Variants in ZNF500 observed in about 807,000 individuals in gnomAD.
ZNF500 encodes zinc finger protein 500.
Under a neutral mutation model 30.1 loss-of-function variants are expected in ZNF500, and 31 were observed. The ratio of observed to expected loss-of-function variants is 1.03; its 90% CI spans 0.77 to 1.39. ZNF500 has a LOEUF of 1.39. Among genes scored for constraint, ZNF500 ranks in the 40% most tolerant of loss-of-function variants. ZNF500 has a pLI of 0.00. For missense variants in ZNF500, 817 were observed against 657.8 expected (o/e 1.24, Z -2.65); for synonymous variants, 392 against 282.0 (o/e 1.39, Z -3.91).
In ZNF500 at chr16:4,765,757, C is replaced by T; in HGVS notation, c.222G>A (p.Leu74=). Reference sequence around the variant, plus strand: ...GCTCCGGCCGCAGCCAGCGGCAGCACAGCTCCCAGAGGCGGCTCAGGGCCT... The same window carrying T: ...GCTCCGGCCGCAGCCAGCGGCAGCATAGCTCCCAGAGGCGGCTCAGGGCCT... ...PREALSRLWE[L]CCRWLRPELR... The change falls in exon 2 of 6, where the codon CTG becomes CTA. Residue 74 remains leucine, a synonymous_variant. Transcript: ENST00000219478. 3.1e-6 allele frequency: 5 copies of T among 1,613,112 alleles called. No homozygotes were observed. The highest frequency in any genetic ancestry group is 4.2e-6 in the Non-Finnish European group (5 of 1,179,906).
In ZNF500 at chr16:4,751,619, G is replaced by T. The variant is rs1491002998; in HGVS notation, c.*757C>A. 25 of 1,535,348 alleles carry T rather than the reference G, an allele frequency of 1.6e-5. No homozygotes were observed. The highest frequency in any genetic ancestry group is 2.1e-5 in the Non-Finnish European group (24 of 1,146,764). The stretch of plus-strand genomic sequence containing the variant: ...CAGGGCTCCCTGCAGCAGACGAGGG[G>T]TCCCTCAAATTCATGTGCACCCAGA... On this transcript the variant is annotated 3_prime_UTR_variant, in exon 6 of 6. Transcript: ENST00000219478.
At chr16:4,744,761 C>T (rs1035282289), downstream of ZNF500, 28 of 1,369,116 alleles carry the variant, frequency 2.0e-5, no homozygotes, top group Non-Finnish European at 2.8e-5. Flanking sequence ...GTGGAGGAGC[C>T]TGAGGTCCAT....
chr16:4,758,916 A>AT (rs2082167873), intron 5 of ZNF500, among the ~76,000 whole-genome samples: 1 of 151,896 alleles, frequency 6.6e-6, no homozygotes, highest in African/African-American at 2.4e-5. Context: ...AGGAGAAAAT[A>AT]TTTCCAAATC....
chr16:4,744,778 G>A, downstream of ZNF500: 9 of 1,451,760 alleles, frequency 6.2e-6, no homozygotes, highest in Non-Finnish European at 8.5e-6. Context: ...CCATTCACAT[G>A]TGGAGACCCC....
chr16:4,764,305 C>A (rs1185805492), intron 2 of ZNF500, among the ~76,000 whole-genome samples: 1 of 152,074 alleles, frequency 6.6e-6, no homozygotes, highest in Non-Finnish European at 1.5e-5. Context: ...GCAGGCAGAT[C>A]ACTTGAGGCC....
rs1443816240 is a variant in ZNF500 at position 4,749,379 on chromosome 16, ACT to A, written c.*2995_*2996del. 3 of 154,508 alleles carry A rather than the reference ACT, an allele frequency of 1.9e-5. No individual in the cohort carries two copies. Among genetic ancestry groups the A allele is most frequent in the African/African-American group, 7.2e-5 (3 of 41,666 alleles). 9.6% of individuals were successfully genotyped at this position (154,508 alleles called of 1,614,324 possible). On this transcript the variant is annotated 3_prime_UTR_variant, in exon 6 of 6. Coordinates refer to ENST00000219478, the MANE Select transcript of ZNF500 (RefSeq NM_021646.4). ...AATGTTTTACAGTGATGGAAAATAA[ACT>A]CTGTTCCAAGTTCAACTCTGAATTA...
intron 5 of ZNF500, among the ~76,000 whole-genome samples, chr16:4,759,356 A>G (rs1402094167): frequency 1.3e-5 from 2 of 152,222 alleles, no homozygotes. Flanking sequence ...AATTCAACAC[A>G]GAATGACCAC....
At chr16:4,746,024 C>T (rs1364816788), downstream of ZNF500, 1 of 198,458 alleles carries the variant, frequency 5.0e-6, no homozygotes, top group Non-Finnish European at 1.0e-5. Flanking sequence ...AGCCATTAGC[C>T]GTGTGTGGCT....
intron 5 of ZNF500, among the ~76,000 whole-genome samples, chr16:4,753,466 A>G (rs1455197765): frequency 6.6e-6 from 1 of 152,196 alleles, no homozygotes; most frequent in Non-Finnish European, 1.5e-5. Flanking sequence ...TGTTTCAAAA[A>G]CTAAACAATC....
chr16:4,752,655 C>A lies in ZNF500; in HGVS notation c.1164G>T (p.Lys388Asn). The A allele has an allele frequency of 6.2e-7, 1 of 1,613,282 alleles. No homozygotes were observed. Among genetic ancestry groups the A allele is most frequent in the Non-Finnish European group, 8.5e-7 (1 of 1,179,678 alleles). The stretch of plus-strand genomic sequence containing the variant: ...CCAGGCTGGAGCTCTGGCTGAAGCG[C>A]TTCCCACACTCGGGGCACGGGTAGG... The part of the protein sequence containing the change: ...EKPYPCPECG[K>N]RFSQSSSLVI... Residue 388 changes from lysine to asparagine, a missense_variant, in exon 6 of 6, where the codon AAG becomes AAT. Physicochemically the swap from Lys to Asn is moderately conservative, Grantham distance 94. Coordinates refer to ENST00000219478, the MANE Select transcript of ZNF500 (RefSeq NM_021646.4).
In ZNF500 at chr16:4,762,860, A is replaced by AC. The variant is rs1288033730; in HGVS notation, c.415-105dup. 7 of 1,433,190 alleles carry AC rather than the reference A, an allele frequency of 4.9e-6. No homozygotes were observed. In the Admixed American group the frequency reaches 7.9e-5, roughly 16 times the overall value. 88.8% of individuals were successfully genotyped at this position (1,433,190 alleles called of 1,614,324 possible). A position where few individuals can be genotyped will look rare whatever the true frequency, so the allele number is the denominator to read the frequency against. On this transcript the variant is annotated intron_variant, in intron 2 of 5. Transcript: ENST00000219478. ...TCTCAGGCACCCCAGCCGGCTGCCC[A>AC]CCCCCGGGCTGTCTGCAGCCTCCCT...
downstream of ZNF500, chr16:4,747,347 T>C (rs1276558426): frequency 3.2e-6 from 5 of 1,575,766 alleles, no homozygotes; most frequent in East Asian, 2.2e-5. Flanking sequence ...TCACAGGACC[T>C]GTACCGGGAA....
chr16:4,759,554 G>C (rs2082174937), intron 5 of ZNF500, among the ~76,000 whole-genome samples: 1 of 152,194 alleles, frequency 6.6e-6, no homozygotes, highest in African/African-American at 2.4e-5. Context: ...CCGTGGCACA[G>C]AAATCCTAAG....
In ZNF500 at chr16:4,762,712, C is replaced by G; in HGVS notation, c.459G>C (p.Gly153=). 1 of 1,613,520 alleles carries G rather than the reference C, an allele frequency of 6.2e-7. No individual in the cohort carries two copies. Among genetic ancestry groups the G allele is most frequent in the Non-Finnish European group, 8.5e-7 (1 of 1,179,674 alleles). ...CTGCCTGGTGTTTTAAGAACTGTCC[C>G]CCTATCCCGAGGGGCACCTCGTCAT... ...LSDDEVPLGI[G]GQFLKHQAEA... The change falls in exon 3 of 6, where the codon GGG becomes GGC. Residue 153 remains glycine, a synonymous_variant. Transcript: ENST00000219478.
At chr16:4,754,163 C>T (rs921614038) in intron 5 of ZNF500, among the ~76,000 whole-genome samples, 17 of 152,272 alleles carry the variant, frequency 1.1e-4, no homozygotes, top group Admixed American at 9.2e-4. Flanking sequence ...AGAGGCTCTG[C>T]GCATGGTAGG....
intron 2 of ZNF500, chr16:4,763,018 C>A (rs1304020361): frequency 3.0e-6 from 3 of 985,312 alleles, no homozygotes; most frequent in Non-Finnish European, 3.6e-6. Flanking sequence ...TCCTGATAGA[C>A]CCTGGGATAG....
chr16:4,746,410 C>A (rs2082018053), downstream of ZNF500: 1 of 1,613,254 alleles, frequency 6.2e-7, no homozygotes, highest in African/African-American at 1.3e-5. Context: ...CAGGCTGGGC[C>A]AGGCCCGCAG....
chr16:4,751,519 A>C lies in ZNF500; in HGVS notation c.*857T>G, dbSNP rs2082077488. ...TGCAAAGGGGACTGGAATGCTGCAG[A>C]GCCCCGGGCTCCATTTGGAAACTCT... On this transcript the variant is annotated 3_prime_UTR_variant, in exon 6 of 6. Coordinates refer to ENST00000219478, the MANE Select transcript of ZNF500 (RefSeq NM_021646.4). 1 of 1,492,910 alleles carries C rather than the reference A, an allele frequency of 6.7e-7. No individual in the cohort carries two copies. Among genetic ancestry groups the C allele is most frequent in the South Asian group, 1.2e-5 (1 of 80,608 alleles). The allele number at this position is 1,492,910 out of a possible 1,614,324, so 92.5% of individuals were successfully genotyped here. A position where few individuals can be genotyped will look rare whatever the true frequency, so the allele number is the denominator to read the frequency against.
Position 4,762,580 on chromosome 16 carries a change from T to G in ZNF500, c.591A>C (p.Pro197=). The change falls in exon 3 of 6, where the codon CCA becomes CCC. Residue 197 remains proline, a synonymous_variant. Coordinates refer to ENST00000219478, the MANE Select transcript of ZNF500 (RefSeq NM_021646.4). The part of the protein sequence containing the change: ...HRPQRGPLLW[P]ERGPPAPRHQ... Reference sequence around the variant, plus strand: ...CAAAGGGGTGCTACTCACCTCTCTCTGGCCACAACAGCGGGCCCCTCTGTG... The same window carrying G: ...CAAAGGGGTGCTACTCACCTCTCTCGGGCCACAACAGCGGGCCCCTCTGTG... 6.2e-7 allele frequency: 1 copy of G among 1,612,442 alleles called. No individual in the cohort carries two copies. Among genetic ancestry groups the G allele is most frequent in the Non-Finnish European group, 8.5e-7 (1 of 1,179,268 alleles).
Sources: allele counts gnomAD v4.1 joint callset (sites outside exome capture counted in the v4.1 genomes callset), GRCh38; gene constraint gnomAD v4.1.1; transcripts MANE v1.5; gene names NCBI Gene and HGNC (gene_info 2026-07-23, HGNC 2026-07-21).